The following ANK1 variants were observed in gnomAD, a reference collection of about 807,000 sequenced individuals.
ANK1 encodes the protein ankyrin-1.
Under a neutral mutation model 210.4 loss-of-function variants are expected in ANK1, and 51 were observed. That is an observed-to-expected ratio of 0.24 (90% CI 0.19 to 0.31). The LOEUF (loss-of-function observed/expected upper bound fraction) is 0.31. Ranked by LOEUF, ANK1 falls within the 10% of genes least tolerant of loss-of-function variation. The pLI, the probability that ANK1 is intolerant of heterozygous loss-of-function variation, is 1.00. For missense variants in ANK1, 2,051 were observed against 2,504.4 expected (o/e 0.82, Z 3.86); for synonymous variants, 967 against 1,025.9 (o/e 0.94, Z 1.10).
intron 24 of ANK1, among the ~76,000 whole-genome samples, chr8:41,697,254 C>T (rs1821320318): frequency 6.6e-6 from 1 of 152,202 alleles, no homozygotes; most frequent in Non-Finnish European, 1.5e-5. Context: ...CAGACTCCTG[C>T]CCTTGTGGGG....
intron 1 of ANK1, among the ~76,000 whole-genome samples, chr8:41,792,719 A>C (rs1847989167): frequency 1.3e-5 from 2 of 152,246 alleles, no homozygotes; most frequent in Non-Finnish European, 2.9e-5. Context: ...ATGAGAGTTC[A>C]GAGGAAGGAG....
At chr8:41,746,967 AG>A in intron 2 of ANK1, among the ~76,000 whole-genome samples, 1 of 152,028 alleles carries the variant, frequency 6.6e-6, no homozygotes, top group South Asian at 2.1e-4. Context: ...ATGACCTCCC[AG>A]GCTTCAATTT....
intron 42 of ANK1, chr8:41,660,933 C>T: frequency 3.6e-6 from 1 of 280,402 alleles, no homozygotes; most frequent in Non-Finnish European, 6.9e-6. Context: ...CTCTTCAATG[C>T]CCTGTCCACT....
chr8:41,717,906 T>C (rs532532528), intron 11 of ANK1, among the ~76,000 whole-genome samples, 200 bp downstream of exon 11: 133 of 152,340 alleles, frequency 8.7e-4, no homozygotes, highest in Non-Finnish European at 1.6e-3. Context: ...GCAAAAATTG[T>C]GTCTGATCTT....
At chr8:41,870,082 C>T (rs140644595) in intron 1 of ANK1, among the ~76,000 whole-genome samples, 2 of 152,098 alleles carry the variant, frequency 1.3e-5, no homozygotes, top group African/African-American at 2.4e-5. Context: ...GGGATTCAGG[C>T]GGTTCAAGGA....
intron 23 of ANK1, among the ~76,000 whole-genome samples, chr8:41,698,801 A>ATT (rs200577199): frequency 3.7e-4 from 55 of 148,422 alleles, no homozygotes; most frequent in Non-Finnish European, 2.4e-4. Context: ...TTCCTCAACA[A>ATT]TTTTTTTTTT....
intron 4 of ANK1, 25 bp downstream of exon 4, chr8:41,727,883 C>A (rs1301661029): frequency 6.2e-7 from 1 of 1,612,546 alleles, no homozygotes; most frequent in Non-Finnish European, 8.5e-7. Context: ...GCAACACCCT[C>A]TAGTCCAGAC....
intron 40 of ANK1, among the ~76,000 whole-genome samples, chr8:41,662,313 A>C (rs961990252): frequency 6.6e-6 from 1 of 151,750 alleles, no homozygotes; most frequent in African/African-American, 2.4e-5. Flanking sequence ...TCAGAACAGC[A>C]GTTCCCAGGA....
At chr8:41,862,272 T>A (rs1183678001) in intron 1 of ANK1, among the ~76,000 whole-genome samples, 1 of 152,196 alleles carries the variant, frequency 6.6e-6, no homozygotes, top group Non-Finnish European at 1.5e-5. Context: ...TTAACCTTTC[T>A]AAGCTTTAGT....
At chr8:41,784,168 C>T (rs1845897753) in intron 1 of ANK1, among the ~76,000 whole-genome samples, 1 of 151,968 alleles carries the variant, frequency 6.6e-6, no homozygotes, top group African/African-American at 2.4e-5. Flanking sequence ...CCCCACATAA[C>T]ACACTTAGGG....
intron 1 of ANK1, among the ~76,000 whole-genome samples, chr8:41,758,973 C>T (rs1365722332): frequency 6.6e-6 from 1 of 152,082 alleles, no homozygotes; most frequent in African/African-American, 2.4e-5. Flanking sequence ...TCAAGCAATC[C>T]TCCTGCCCCG....
chr8:41,887,468 A>G (rs1818666594), intron 1 of ANK1, among the ~76,000 whole-genome samples: 1 of 152,140 alleles, frequency 6.6e-6, no homozygotes. Flanking sequence ...TGTGTTGCCC[A>G]GGCTGGTCTT....
At chr8:41,858,511 C>A (rs908706872) in intron 1 of ANK1, among the ~76,000 whole-genome samples, 1 of 152,154 alleles carries the variant, frequency 6.6e-6, no homozygotes, top group Admixed American at 6.5e-5. Context: ...GAGAAATGAA[C>A]AGAAACACAG....
At chr8:41,664,737 G>T in intron 39 of ANK1, 1 of 1,461,688 alleles carries the variant, frequency 6.8e-7, no homozygotes, top group Non-Finnish European at 9.3e-7. Flanking sequence ...CCCCACAGCA[G>T]CGTCCCCTCA....
intron 36 of ANK1, among the ~76,000 whole-genome samples, chr8:41,685,258 TG>T (rs1817411435): frequency 1.3e-5 from 2 of 152,214 alleles, no homozygotes; most frequent in African/African-American, 4.8e-5. Context: ...CTAGAAAGAC[TG>T]TTTTTTTATT....
At chr8:41,876,858 G>C (rs1349518849) in intron 1 of ANK1, among the ~76,000 whole-genome samples, 1 of 152,156 alleles carries the variant, frequency 6.6e-6, no homozygotes, top group African/African-American at 2.4e-5. Flanking sequence ...GGATCAGATG[G>C]ATTTGGTAGA....
intron 13 of ANK1, 101 bp downstream of exon 13, chr8:41,716,852 G>T: frequency 8.3e-7 from 1 of 1,201,444 alleles, no homozygotes; most frequent in Non-Finnish European, 1.2e-6. Flanking sequence ...TGATCCCCAG[G>T]CCACAGCACT....
In ANK1 at chr8:41,860,838, G is replaced by T. The variant is rs4737019; in HGVS notation, c.126+35517C>A. 3.9e-5 allele frequency among the ~76,000 whole-genome samples: 6 copies of T among 151,994 alleles called. No homozygotes were observed. In the East Asian group the frequency reaches 1.2e-3, roughly 29 times the overall value. On this transcript the variant is annotated intron_variant, in intron 1 of 42. Transcript: ENST00000265709. ...CCTCAAGGGGCCTCAGGGCCTGAGC[G>T]CCTCCCCTGCTGTGCCTGGAGCACC...
intron 1 of ANK1, among the ~76,000 whole-genome samples, chr8:41,854,829 A>G (rs1466484362): frequency 6.6e-6 from 1 of 152,024 alleles, no homozygotes; most frequent in Non-Finnish European, 1.5e-5. Context: ...GCACAGCTGT[A>G]GTCCTAGCTA....
Sources: allele counts gnomAD v4.1 joint callset (sites outside exome capture counted in the v4.1 genomes callset), GRCh38; gene constraint gnomAD v4.1.1; transcripts MANE v1.5; gene names NCBI Gene and HGNC (gene_info 2026-07-23, HGNC 2026-07-21).